CDH9: variants seen among roughly 807,000 people sequenced by gnomAD.
The protein encoded by CDH9 is cadherin 9.
CDH9 carries 28 observed loss-of-function variants against 70.9 expected under a neutral mutation model. The ratio of observed to expected loss-of-function variants is 0.40; its 90% CI spans 0.29 to 0.54. The LOEUF (loss-of-function observed/expected upper bound fraction) is 0.54, where lower values mean the gene tolerates loss of function less well. Ranked by LOEUF, CDH9 falls within the 20% of genes least tolerant of loss-of-function variation. The probability of loss-of-function intolerance (pLI) is 0.59; values close to 1 mark genes in which losing one functional copy is unlikely to be tolerated. For missense variants in CDH9, 874 were observed against 984.4 expected, an observed-to-expected ratio of 0.89 and a Z score of 1.50; for synonymous variants, 409 against 343.1, an observed-to-expected ratio of 1.19 and a Z score of -2.12.
chr5:26,946,457 G>GA (rs144098600), intron 2 of CDH9, among the ~76,000 whole-genome samples: 19,002 of 151,420 alleles, frequency 0.13, 3,978 homozygotes, highest in African/African-American at 0.44. Context: ...CCATTTAGAA[G>GA]AAAAAAAAGG....
At chr5:26,981,119 C>A (rs1205236580) in intron 2 of CDH9, among the ~76,000 whole-genome samples, 1 of 151,982 alleles carries the variant, frequency 6.6e-6, no homozygotes, top group Non-Finnish European at 1.5e-5. Flanking sequence ...GTACCCAGAA[C>A]TTTAAAATTA....
chr5:27,009,046 T>C (rs1264812487), intron 1 of CDH9, among the ~76,000 whole-genome samples: 1 of 152,124 alleles, frequency 6.6e-6, no homozygotes, highest in Non-Finnish European at 1.5e-5. Context: ...ATTTGGTAAA[T>C]AACATGATGA....
chr5:26,881,259 C>T lies in CDH9; in HGVS notation c.2247G>A (p.Ser749=). The T allele has an allele frequency of 1.2e-6, 2 of 1,613,290 alleles. No individual in the cohort carries two copies. Among genetic ancestry groups the T allele is most frequent in the South Asian group, 1.1e-5 (1 of 91,072 alleles). Reference sequence around the variant, plus strand: ...CTGTGAGAGATTCCAAAGAACTGAGCGAATCTGCTATGGAATCATTCCCTT... The same window carrying T: ...CTGTGAGAGATTCCAAAGAACTGAGTGAATCTGCTATGGAATCATTCCCTT... ...AYEGNDSIAD[S]LSSLESLTAD... The change falls in exon 12 of 12, where the codon TCG becomes TCA. Residue 749 remains serine (S), a synonymous_variant. Coordinates refer to ENST00000231021, the MANE Select transcript of CDH9 (RefSeq NM_016279.4).
intron 7 of CDH9, among the ~76,000 whole-genome samples, chr5:26,891,113 T>C (rs1017493754): frequency 5.9e-5 from 9 of 152,210 alleles, no homozygotes; most frequent in African/African-American, 2.2e-4. Context: ...TGAAATGTTA[T>C]ATCACCACAG....
chr5:26,989,610 C>T lies in CDH9; in HGVS notation c.-49-1228G>A, dbSNP rs79479242. Among the ~76,000 whole-genome samples, 1,021 of 151,920 alleles carry T rather than the reference C, an allele frequency of 6.7e-3. 9 individuals are homozygous for T. The highest frequency in any genetic ancestry group is 0.023 in the African/African-American group (972 of 41,476). On this transcript the variant is annotated intron_variant, in intron 1 of 11. Coordinates refer to ENST00000231021, the MANE Select transcript of CDH9 (RefSeq NM_016279.4). ...GAATAAATTGTGTGGGTGATAATAT[C>T]TCCTGAATTCAGATATAAAATCTTC...
At chr5:26,959,495 ACTT>A (rs762281812) in intron 2 of CDH9, among the ~76,000 whole-genome samples, 32 of 152,232 alleles carry the variant, frequency 2.1e-4, no homozygotes, top group East Asian at 1.2e-3. Flanking sequence ...CAGCAATTCT[ACTT>A]CTTCTTATTT....
At chr5:26,905,811 GTTT>G in intron 5 of CDH9, 145 bp downstream of exon 5, 1 of 541,402 alleles carries the variant, frequency 1.8e-6, no homozygotes, top group Non-Finnish European at 3.3e-6. Context: ...GGGAAATTGT[GTTT>G]TTTTTTTGGT....
At position 26,890,582 on chromosome 5, in the gene CDH9, C is replaced by T; in HGVS notation, c.1254-18G>A. 6.3e-7 allele frequency: 1 copy of T among 1,582,664 alleles called. No homozygotes were observed. The highest frequency in any genetic ancestry group is 1.1e-5 in the South Asian group (1 of 90,362). On this transcript the variant is annotated intron_variant, in intron 7 of 11. Coordinates refer to ENST00000231021, the MANE Select transcript of CDH9 (RefSeq NM_016279.4). The stretch of plus-strand genomic sequence containing the variant: ...CAGAGTACCTGGCAGAAGACAGACT[C>T]ATAAATCCAGGCATTCTTCTAAGGT...
Position 26,903,700 on chromosome 5 carries a change from A to G in CDH9, c.936T>C (p.Gly312=), listed in dbSNP as rs1430025813. The change falls in exon 6 of 12, where the codon GGT becomes GGC. Residue 312 remains glycine, a synonymous_variant. Coordinates refer to ENST00000231021, the MANE Select transcript of CDH9 (RefSeq NM_016279.4). ...CAGTGATGACATCGAACATGTCTGC[A>G]CCATCTCCTTCAGCAATGCTATACT... ...EMEYSIAEGD[G]ADMFDVITDK... 6 of 1,609,828 alleles carry G rather than the reference A, an allele frequency of 3.7e-6. No homozygotes were observed. Among genetic ancestry groups the G allele is most frequent in the Non-Finnish European group, 5.1e-6 (6 of 1,176,812 alleles).
In CDH9 at chr5:26,890,751, A is replaced by G. The variant is rs1034969550; in HGVS notation, c.1254-187T>C. 1.1e-5 allele frequency: 6 copies of G among 557,576 alleles called. No individual in the cohort carries two copies. The Admixed American group carries it at 1.5e-4, about 14-fold the overall frequency. The allele number at this position is 557,576 out of a possible 1,614,324, so 34.5% of individuals were successfully genotyped here. On this transcript the variant is annotated intron_variant, in intron 7 of 11. Coordinates refer to ENST00000231021, the MANE Select transcript of CDH9 (RefSeq NM_016279.4). ...CAATTTCATATGTTTGACTCTTTCT[A>G]CTTACTATATTATCCTATGTGTACT...
intron 2 of CDH9, among the ~76,000 whole-genome samples, chr5:26,954,384 C>CTTTTTTTTTTTTTTTTTTTTTT (rs141394776): frequency 5.4e-5 from 1 of 18,352 alleles, no homozygotes; most frequent in African/African-American, 1.3e-4. Context: ...ATTATACAGC[C>CTTTTTTTTTTTTTTTTTTTTTT]TTTCTTTTTT....
intron 9 of CDH9, among the ~76,000 whole-genome samples, chr5:26,886,394 T>G: frequency 6.6e-6 from 1 of 152,116 alleles, no homozygotes; most frequent in East Asian, 1.9e-4. Flanking sequence ...CCTCTTTTGA[T>G]ATTGTTGAAA....
intron 2 of CDH9, among the ~76,000 whole-genome samples, chr5:26,986,080 T>C (rs1742483326): frequency 1.3e-5 from 2 of 151,576 alleles, no homozygotes; most frequent in South Asian, 4.2e-4. Flanking sequence ...AAAGAAAGAG[T>C]TTTTTCTTTA....
intron 1 of CDH9, among the ~76,000 whole-genome samples, chr5:27,020,938 G>A (rs1025056535): frequency 6.6e-6 from 1 of 151,682 alleles, no homozygotes; most frequent in Non-Finnish European, 1.5e-5. Flanking sequence ...TTTAAACACT[G>A]TTATCAAAAT....
chr5:26,904,235 C>A (rs904774186), intron 5 of CDH9, among the ~76,000 whole-genome samples: 1 of 144,072 alleles, frequency 6.9e-6, no homozygotes, highest in African/African-American at 2.5e-5. Flanking sequence ...TTATTTTATT[C>A]TAAATCAGGA....
chr5:27,004,377 T>A (rs1413393796), intron 1 of CDH9, among the ~76,000 whole-genome samples: 1 of 152,070 alleles, frequency 6.6e-6, no homozygotes, highest in Non-Finnish European at 1.5e-5. Flanking sequence ...GACAGCAGGA[T>A]TTCAGAGTCT....
At chr5:27,017,355 C>T (rs933168796) in intron 1 of CDH9, among the ~76,000 whole-genome samples, 10 of 151,822 alleles carry the variant, frequency 6.6e-5, no homozygotes, top group Admixed American at 5.9e-4. Flanking sequence ...TGAAGAAATG[C>T]TTTCCACTCA....
intron 2 of CDH9, among the ~76,000 whole-genome samples, chr5:26,922,116 ATTAAG>A (rs1193351376): frequency 6.6e-6 from 1 of 152,080 alleles, no homozygotes; most frequent in African/African-American, 2.4e-5. Flanking sequence ...AAAAGGGAAA[ATTAAG>A]TTATTGGCCT....
intron 2 of CDH9, among the ~76,000 whole-genome samples, chr5:26,968,877 ATAT>A (rs1306979225): frequency 6.6e-6 from 1 of 152,220 alleles, no homozygotes; most frequent in Non-Finnish European, 1.5e-5. Context: ...CTAAACATGT[ATAT>A]AATGCAAAGT....
Sources: allele counts gnomAD v4.1 joint callset (sites outside exome capture counted in the v4.1 genomes callset), GRCh38; gene constraint gnomAD v4.1.1; transcripts MANE v1.5; gene names NCBI Gene and HGNC (gene_info 2026-07-23, HGNC 2026-07-21).